CCSER1: variants seen among roughly 807,000 people sequenced by gnomAD.
CCSER1 encodes coiled-coil serine rich protein 1, also known as serine-rich coiled-coil domain-containing protein 1.
A neutral mutation model predicts 82.0 loss-of-function variants in CCSER1; 41 were observed. The observed-to-expected ratio is 0.50, with a 90% CI of 0.39 to 0.65. The LOEUF (loss-of-function observed/expected upper bound fraction) is 0.65, where lower values mean the gene tolerates loss of function less well. Among genes scored for constraint, CCSER1 ranks in the 30% least tolerant of loss-of-function variants. The pLI, the probability that CCSER1 is intolerant of heterozygous loss-of-function variation, is 0.00. For synonymous variants in CCSER1, 414 were observed against 383.9 expected (o/e 1.08, Z -0.92); for missense variants, 1,119 against 1,064.2 (o/e 1.05, Z -0.72).
At chr4:91,558,480 C>A (rs1319686260) in intron 10 of CCSER1, among the ~76,000 whole-genome samples, 1 of 151,466 alleles carries the variant, frequency 6.6e-6, no homozygotes, top group African/African-American at 2.4e-5. Flanking sequence ...TTGTTATTTG[C>A]TGATGTCTGA....
chr4:91,549,964 A>G (rs767158240), intron 10 of CCSER1, among the ~76,000 whole-genome samples: 21 of 151,102 alleles, frequency 1.4e-4, no homozygotes, highest in Non-Finnish European at 2.2e-4. Flanking sequence ...GGACAACAAG[A>G]TAGTATGTGT....
At chr4:91,025,315 G>C (rs1264777046) in intron 9 of CCSER1, among the ~76,000 whole-genome samples, 2 of 152,068 alleles carry the variant, frequency 1.3e-5, no homozygotes, top group Non-Finnish European at 2.9e-5. Flanking sequence ...ATTCTTTAAA[G>C]TCACACTTTC....
chr4:91,119,070 C>A (rs1427361087), intron 10 of CCSER1, among the ~76,000 whole-genome samples: 1 of 152,110 alleles, frequency 6.6e-6, no homozygotes. Context: ...TTTTGATATT[C>A]ATGTATAAAA....
intron 8 of CCSER1, among the ~76,000 whole-genome samples, chr4:90,844,612 T>A (rs1265475687): frequency 6.6e-6 from 1 of 152,178 alleles, no homozygotes; most frequent in East Asian, 1.9e-4. Context: ...GTTACCTTCC[T>A]CAACTTCACT....
chr4:90,975,365 G>A (rs1476311139), intron 9 of CCSER1, among the ~76,000 whole-genome samples: 1 of 151,258 alleles, frequency 6.6e-6, no homozygotes, highest in Non-Finnish European at 1.5e-5. Context: ...ATATGGATAT[G>A]TTAATTTGCT....
At chr4:90,458,707 GAAC>G (rs1762497202) in intron 4 of CCSER1, among the ~76,000 whole-genome samples, 1 of 152,124 alleles carries the variant, frequency 6.6e-6, no homozygotes, top group South Asian at 2.1e-4. Context: ...AATCTTTAAT[GAAC>G]AACAAGTCAT....
chr4:91,224,158 A>G (rs955081131), intron 10 of CCSER1, among the ~76,000 whole-genome samples: 5 of 151,984 alleles, frequency 3.3e-5, no homozygotes, highest in Admixed American at 1.3e-4. Flanking sequence ...CCAAAACCTT[A>G]CTTGGCTTAG....
In CCSER1 at chr4:91,209,179, T is replaced by C. The variant is rs1736591840; in HGVS notation, c.2217+123185T>C. 2.0e-5 allele frequency among the ~76,000 whole-genome samples: 3 copies of C among 151,806 alleles called. No individual in the cohort carries two copies. The South Asian group carries it at 6.2e-4, about 31-fold the overall frequency. ...GCAAACAGTGACAGTTTGACTTTCT[T>C]TATTTCTCTTTGGGTGCCTTTTATT... On this transcript the variant is annotated intron_variant, in intron 10 of 10. Transcript: ENST00000509176.
intron 1 of CCSER1, among the ~76,000 whole-genome samples, chr4:90,190,855 C>T (rs1412500697): frequency 6.6e-6 from 1 of 152,028 alleles, no homozygotes; most frequent in East Asian, 1.9e-4. Context: ...TGGTTATTAT[C>T]ATCAGCAGCA....
chr4:90,839,113 G>A (rs1249371483), intron 8 of CCSER1: 1 of 1,060,290 alleles, frequency 9.4e-7, no homozygotes, highest in African/African-American at 1.6e-5. Context: ...CCACCGAGTT[G>A]TCGCCATAAT....
At chr4:90,204,361 A>T (rs1738370443) in intron 1 of CCSER1, among the ~76,000 whole-genome samples, 1 of 152,124 alleles carries the variant, frequency 6.6e-6, no homozygotes, top group South Asian at 2.1e-4. Flanking sequence ...TCTTGAGTTA[A>T]TTTTTGTATA....
At chr4:90,407,738 C>G (rs1753947751) in intron 4 of CCSER1, among the ~76,000 whole-genome samples, 2 of 152,130 alleles carry the variant, frequency 1.3e-5, no homozygotes. Flanking sequence ...TTCTGCATTT[C>G]CAACTGAGGT....
intron 10 of CCSER1, among the ~76,000 whole-genome samples, chr4:91,256,668 G>T (rs999478144): frequency 1.3e-5 from 2 of 152,090 alleles, no homozygotes; most frequent in African/African-American, 2.4e-5. Flanking sequence ...TGGTTCCCCT[G>T]ATACCAGAGA....
chr4:90,768,647 A>C (rs767396406), intron 7 of CCSER1, among the ~76,000 whole-genome samples: 26 of 152,220 alleles, frequency 1.7e-4, no homozygotes, highest in Non-Finnish European at 3.2e-4. Context: ...TAGGACTTTC[A>C]GAAGATTTAA....
rs1047962641 is a variant in CCSER1, at chr4:90,711,282, A to T, written c.1933-12632A>T. Among the ~76,000 whole-genome samples, 18 of 152,124 alleles carry T rather than the reference A, an allele frequency of 1.2e-4. 1 individual carries two copies. The stretch of plus-strand genomic sequence containing the variant: ...AGTGTCATGTTATCTGTAAGCAAAG[A>T]TAATTTGACTTCCTATAATCCTACT... On this transcript the variant is annotated intron_variant, in intron 6 of 10. Coordinates refer to ENST00000509176, the MANE Select transcript of CCSER1 (RefSeq NM_001145065.2).
intron 10 of CCSER1, among the ~76,000 whole-genome samples, chr4:91,149,857 T>A (rs1387482863): frequency 1.3e-5 from 2 of 152,228 alleles, no homozygotes; most frequent in Admixed American, 1.3e-4. Flanking sequence ...TTGGTACCAG[T>A]ACCATGCTGT....
chr4:91,058,546 C>T (rs1743655638), intron 9 of CCSER1, among the ~76,000 whole-genome samples: 1 of 151,932 alleles, frequency 6.6e-6, no homozygotes, highest in Non-Finnish European at 1.5e-5. Context: ...TTGTTTTTGG[C>T]CAGATTCCCA....
At chr4:91,158,696 C>T (rs1341114670) in intron 10 of CCSER1, among the ~76,000 whole-genome samples, 1 of 151,842 alleles carries the variant, frequency 6.6e-6, no homozygotes, top group African/African-American at 2.4e-5. Flanking sequence ...CATGCACGCA[C>T]ACACACACGG....
chr4:90,291,916 T>C (rs905431149), intron 1 of CCSER1, among the ~76,000 whole-genome samples: 1 of 151,982 alleles, frequency 6.6e-6, no homozygotes, highest in African/African-American at 2.4e-5. Flanking sequence ...TTATATTATG[T>C]AAATATGTTA....
Sources: gnomAD v4.1 joint callset for allele counts (sites outside exome capture counted in the v4.1 genomes callset) on GRCh38, gnomAD v4.1.1 for gene constraint, MANE v1.5 for transcripts, NCBI Gene and HGNC (gene_info 2026-07-23, HGNC 2026-07-21) for gene names.